RNF182: variants seen among roughly 807,000 people sequenced by gnomAD.
RNF182 encodes E3 ubiquitin-protein ligase RNF182.
A neutral mutation model predicts 14.4 loss-of-function variants in RNF182; 15 were observed. That is an observed-to-expected ratio of 1.04 (90% CI 0.70 to 1.60). The LOEUF (loss-of-function observed/expected upper bound fraction) is 1.60. Among genes scored for constraint, RNF182 ranks in the 40% most tolerant of loss-of-function variants. RNF182 has a pLI of 0.00. For synonymous variants in RNF182, 128 were observed against 122.9 expected (o/e 1.04, Z -0.27); for missense variants, 268 against 294.8 (o/e 0.91, Z 0.67).
rs868391132 is a variant in RNF182 at position 13,977,490 on chromosome 6, C to T, written c.371C>T (p.Thr124Met). ...RLASLVSPSH[T>M]SSNCLVITIM... ...GCCTCTCTGGTCAGTCCTTCTCACA[C>T]GTCCTCCAACTGCCTGGTCATAACC... is the stretch of plus-strand genomic sequence containing the variant. Residue 124 changes from threonine (T) to methionine (M), a missense_variant, in exon 3 of 3, where the codon ACG (threonine) becomes ATG (methionine). Physicochemically the swap from Thr to Met is moderately conservative, Grantham distance 81. Coordinates refer to ENST00000488300, the MANE Select transcript of RNF182 (RefSeq NM_152737.4). 33 of 1,614,094 alleles carry T rather than the reference C, an allele frequency of 2.0e-5. No individual in the cohort carries two copies. Among genetic ancestry groups the T allele is most frequent in the African/African-American group, 8.0e-5 (6 of 74,938 alleles).
At chr6:13,960,656 A>AGTGTGTGTGTGTGTGT (rs745687828) in intron 1 of RNF182, among the ~76,000 whole-genome samples, 1 of 133,110 alleles carries the variant, frequency 7.5e-6, no homozygotes, top group Non-Finnish European at 1.6e-5. Flanking sequence ...GGAGAGAGAG[A>AGTGTGTGTGTGTGTGT]GTGTGTGTGT....
rs372100077 is a variant in RNF182 at position 13,947,606 on chromosome 6, T to C, written c.-367+22583T>C. Among the ~76,000 whole-genome samples the C allele has an allele frequency of 4.6e-5, 7 of 152,306 alleles. No individual in the cohort carries two copies. In the East Asian group the frequency reaches 5.8e-4, roughly 13 times the overall value. ...ATGGATTTATGTGTGTCTGCAAATA[T>C]GAGTTGGATAAGTTTCTCTCCTCTG... is the stretch of plus-strand genomic sequence containing the variant. On this transcript the variant is annotated intron_variant, in intron 1 of 2. Coordinates refer to ENST00000488300, the MANE Select transcript of RNF182 (RefSeq NM_152737.4).
chr6:13,965,240 G>C (rs1245233975), intron 1 of RNF182, among the ~76,000 whole-genome samples: 1 of 152,154 alleles, frequency 6.6e-6, no homozygotes, highest in Non-Finnish European at 1.5e-5. Flanking sequence ...TCATTCTTGG[G>C]GCTTGATTTG....
intron 1 of RNF182, among the ~76,000 whole-genome samples, chr6:13,929,790 T>C (rs1003906239): frequency 6.6e-6 from 1 of 152,240 alleles, no homozygotes; most frequent in Non-Finnish European, 1.5e-5. Context: ...ATTTTCTGTT[T>C]ACTGATATCT....
intron 1 of RNF182, among the ~76,000 whole-genome samples, chr6:13,939,239 C>T (rs1365399018): frequency 1.3e-5 from 2 of 152,176 alleles, no homozygotes; most frequent in African/African-American, 4.8e-5. Context: ...TCAGTTTCCA[C>T]AAACAACCTG....
chr6:13,954,348 C>A (rs932789278), intron 1 of RNF182, among the ~76,000 whole-genome samples: 2 of 152,182 alleles, frequency 1.3e-5, no homozygotes, highest in Non-Finnish European at 2.9e-5. Context: ...CTTGTAAATT[C>A]TCCCCTTCCC....
At chr6:13,970,872 A>G (rs1760156638) in intron 1 of RNF182, among the ~76,000 whole-genome samples, 1 of 152,218 alleles carries the variant, frequency 6.6e-6, no homozygotes, top group South Asian at 2.1e-4. Context: ...AAAAATCTGT[A>G]TCTATAAAAA....
intron 1 of RNF182, among the ~76,000 whole-genome samples, chr6:13,961,814 T>C (rs1759891513): frequency 6.6e-6 from 1 of 152,176 alleles, no homozygotes; most frequent in African/African-American, 2.4e-5. Flanking sequence ...AGGGAGGCTT[T>C]CTGGAATTGC....
intron 1 of RNF182, among the ~76,000 whole-genome samples, chr6:13,956,024 T>C (rs923133725): frequency 3.3e-5 from 5 of 152,228 alleles, no homozygotes; most frequent in African/African-American, 9.6e-5. Flanking sequence ...CTCCCACATA[T>C]GAGTGAGAAC....
chr6:13,955,214 T>C (rs1247645242), intron 1 of RNF182, among the ~76,000 whole-genome samples: 2 of 152,218 alleles, frequency 1.3e-5, no homozygotes, highest in East Asian at 3.9e-4. Flanking sequence ...TACGTGCCCA[T>C]AAAACTTCAT....
rs550463860 is a variant in RNF182 at position 13,960,091 on chromosome 6, T to C, written c.-366-14119T>C. On this transcript the variant is annotated intron_variant, in intron 1 of 2. Coordinates refer to ENST00000488300, the MANE Select transcript of RNF182 (RefSeq NM_152737.4). ...TGTGATGTCATGGAACCTGTGAGAATAGATAGTTTCAAGAGTAAGGGTATA... is the reference window on the plus strand; with the variant it reads ...TGTGATGTCATGGAACCTGTGAGAACAGATAGTTTCAAGAGTAAGGGTATA... 3.3e-5 allele frequency among the ~76,000 whole-genome samples: 5 copies of C among 152,198 alleles called. No individual in the cohort carries two copies. The East Asian group carries it at 9.6e-4, about 29-fold the overall frequency.
In RNF182 at chr6:13,977,817, AGT is replaced by A; in HGVS notation, c.703_704del (p.Val235LeufsTer3). On this transcript the variant is annotated frameshift_variant, in exon 3 of 3. Transcript: ENST00000488300. LOFTEE classifies it high-confidence loss of function. ...ATTCTTATGGTGTATGGTTTTTGCC[AGT>A]GTGTTTGTCATGAATTTCTAGACTG... 1 of 1,614,048 alleles carries A rather than the reference AGT, an allele frequency of 6.2e-7. No individual in the cohort carries two copies. Among genetic ancestry groups the A allele is most frequent in the Non-Finnish European group, 8.5e-7 (1 of 1,179,964 alleles).
At chr6:13,954,401 G>A (rs280171) in intron 1 of RNF182, among the ~76,000 whole-genome samples, 60,971 of 152,098 alleles carry the variant, frequency 0.4, 13,422 homozygotes, top group Middle Eastern at 0.54. Context: ...GACTACTCAT[G>A]TATTTAGCTA....
intron 1 of RNF182, among the ~76,000 whole-genome samples, chr6:13,962,076 C>T (rs1029745099): frequency 6.6e-6 from 1 of 152,158 alleles, no homozygotes; most frequent in African/African-American, 2.4e-5. Flanking sequence ...CAAAGTTCAA[C>T]TATTGTTAAT....
In RNF182 at chr6:13,956,085, G is replaced by A. The variant is rs374787024; in HGVS notation, c.-366-18125G>A. Reference sequence around the variant, plus strand: ...GGCTTCTTTCACTTCACATAATGTCGTTCAGACTTATTCATATTGCTGCAG... The same window carrying A: ...GGCTTCTTTCACTTCACATAATGTCATTCAGACTTATTCATATTGCTGCAG... On this transcript the variant is annotated intron_variant, in intron 1 of 2. Coordinates refer to ENST00000488300, the MANE Select transcript of RNF182 (RefSeq NM_152737.4). 7.9e-5 allele frequency among the ~76,000 whole-genome samples: 12 copies of A among 151,980 alleles called. 1 individual carries two copies. The highest frequency in any genetic ancestry group is 5.2e-4 in the Admixed American group (8 of 15,250).
intron 2 of RNF182, among the ~76,000 whole-genome samples, chr6:13,974,873 T>C (rs1351152962): frequency 6.6e-6 from 1 of 152,234 alleles, no homozygotes; most frequent in African/African-American, 2.4e-5. Context: ...TGACTTCACA[T>C]ACCTCAGTCC....
At chr6:13,950,819 T>C (rs1408994209) in intron 1 of RNF182, among the ~76,000 whole-genome samples, 1 of 151,898 alleles carries the variant, frequency 6.6e-6, no homozygotes, top group African/African-American at 2.4e-5. Flanking sequence ...TTTTTTGAGA[T>C]AGAGTCTTGT....
chr6:13,944,688 C>A (rs1200763479), intron 1 of RNF182, among the ~76,000 whole-genome samples: 1 of 152,180 alleles, frequency 6.6e-6, no homozygotes, highest in Non-Finnish European at 1.5e-5. Flanking sequence ...TGTGCTATAT[C>A]TGTTATTTGT....
chr6:13,973,491 G>C (rs1034332069), intron 1 of RNF182, among the ~76,000 whole-genome samples: 3 of 152,254 alleles, frequency 2.0e-5, no homozygotes, highest in African/African-American at 7.2e-5. Context: ...ATCCCCACAT[G>C]TCAAGGGCAG....
Sources: allele counts gnomAD v4.1 joint callset (sites outside exome capture counted in the v4.1 genomes callset), GRCh38; gene constraint gnomAD v4.1.1; transcripts MANE v1.5; gene names NCBI Gene and HGNC (gene_info 2026-07-23, HGNC 2026-07-21).